HS6ST3: variants seen among roughly 807,000 people sequenced by gnomAD.
The protein encoded by HS6ST3 is heparan sulfate 6-O-sulfotransferase 3.
HS6ST3 carries 12 observed loss-of-function variants against 36.7 expected under a neutral mutation model. The observed-to-expected ratio is 0.33, with a 90% CI of 0.21 to 0.53. The LOEUF is 0.53. Among genes scored for constraint, HS6ST3 ranks in the 20% least tolerant of loss-of-function variants. The probability of loss-of-function intolerance (pLI) is 0.95; values close to 1 mark genes in which losing one functional copy is unlikely to be tolerated. For missense variants in HS6ST3, 584 were observed against 640.9 expected (o/e 0.91, Z 0.96); for synonymous variants, 240 against 257.5 (o/e 0.93, Z 0.65).
At chr13:96,100,567 G>C (rs2053813382) in intron 1 of HS6ST3, among the ~76,000 whole-genome samples, 1 of 152,202 alleles carries the variant, frequency 6.6e-6, no homozygotes, top group Non-Finnish European at 1.5e-5. Flanking sequence ...TCAGTAGTAG[G>C]AGAGAGCCGA....
At chr13:96,733,923 C>G (rs1194131919) in intron 1 of HS6ST3, among the ~76,000 whole-genome samples, 1 of 152,196 alleles carries the variant, frequency 6.6e-6, no homozygotes, top group African/African-American at 2.4e-5. Flanking sequence ...GCCACCACAG[C>G]CTTGCACCTA....
At chr13:96,459,367 A>G (rs987348250) in intron 1 of HS6ST3, among the ~76,000 whole-genome samples, 2 of 152,138 alleles carry the variant, frequency 1.3e-5, no homozygotes, top group Non-Finnish European at 2.9e-5. Context: ...AAAAAGGGCT[A>G]TCAGAACCAT....
rs763840227 is a variant in HS6ST3, at chr13:96,837,896, C to T, written c.*4698C>T. ...CCTTTTTAATGTCTTCTTCCCCAGG[C>T]TCCTGGTACTTTGTCAGCAACATAC... On this transcript the variant is annotated 3_prime_UTR_variant, in exon 2 of 2. Transcript: ENST00000376705. 3 of 152,020 alleles carry T rather than the reference C, an allele frequency of 2.0e-5. No homozygotes were observed. The highest frequency in any genetic ancestry group is 4.4e-5 in the Non-Finnish European group (3 of 67,986). 9.4% of individuals were successfully genotyped at this position (152,020 alleles called of 1,614,324 possible). A position where few individuals can be genotyped will look rare whatever the true frequency, so the allele number is the denominator to read the frequency against.
intron 1 of HS6ST3, among the ~76,000 whole-genome samples, chr13:96,506,631 A>G (rs893029053): frequency 7.9e-5 from 12 of 152,146 alleles, no homozygotes; most frequent in Admixed American, 2.0e-4. Flanking sequence ...AGAGAGATCC[A>G]TGTTATTTCT....
At chr13:96,451,985 T>G (rs567056348) in intron 1 of HS6ST3, among the ~76,000 whole-genome samples, 1 of 152,224 alleles carries the variant, frequency 6.6e-6, no homozygotes, top group African/African-American at 2.4e-5. Context: ...CGTTTTTACC[T>G]CTGTTGAATT....
intron 1 of HS6ST3, among the ~76,000 whole-genome samples, chr13:96,596,747 G>A (rs1361864378): frequency 3.9e-5 from 6 of 152,154 alleles, no homozygotes; most frequent in Non-Finnish European, 5.9e-5. Context: ...ATGTAAATTC[G>A]TTCAGTTATT....
At chr13:96,488,401 A>T (rs748816333) in intron 1 of HS6ST3, among the ~76,000 whole-genome samples, 6 of 152,120 alleles carry the variant, frequency 3.9e-5, no homozygotes, top group Admixed American at 1.3e-4. Context: ...TACATACTAT[A>T]GTATGTTATT....
chr13:96,251,544 A>G (rs966550498), intron 1 of HS6ST3, among the ~76,000 whole-genome samples: 2 of 151,812 alleles, frequency 1.3e-5, no homozygotes, highest in Non-Finnish European at 2.9e-5. Context: ...AGTTTTGTTT[A>G]TTTTTTAAAG....
At chr13:96,447,686 G>T (rs759299088) in intron 1 of HS6ST3, among the ~76,000 whole-genome samples, 2 of 152,114 alleles carry the variant, frequency 1.3e-5, no homozygotes, top group Admixed American at 6.5e-5. Flanking sequence ...GGGAGGGCCA[G>T]TTTTTTCTAG....
chr13:96,274,456 C>T (rs1221928226), intron 1 of HS6ST3, among the ~76,000 whole-genome samples: 1 of 152,044 alleles, frequency 6.6e-6, no homozygotes, highest in African/African-American at 2.4e-5. Flanking sequence ...AAGACAAGAA[C>T]CATAGGTAGT....
intron 1 of HS6ST3, among the ~76,000 whole-genome samples, chr13:96,244,054 G>A (rs1373619795): frequency 6.6e-6 from 1 of 151,814 alleles, no homozygotes; most frequent in Non-Finnish European, 1.5e-5. Flanking sequence ...ATGAATGTAG[G>A]AAGATAATAA....
intron 1 of HS6ST3, among the ~76,000 whole-genome samples, chr13:96,098,217 C>T (rs1477553869): frequency 1.3e-5 from 2 of 152,118 alleles, no homozygotes; most frequent in East Asian, 3.9e-4. Flanking sequence ...TTAATGTAAT[C>T]ATTCATTTGT....
rs1420209243 is a variant in HS6ST3, at chr13:96,090,908, C to T, written c.46C>T (p.Leu16Phe). ...NKWLLTPVLT[L>F]LFVVIMYQYV... The stretch of plus-strand genomic sequence containing the variant: ...GTGGCTGCTGACGCCGGTGCTCACT[C>T]TCCTCTTCGTGGTCATCATGTACCA... Residue 16 changes from leucine (L) to phenylalanine (F), a missense_variant, in exon 1 of 2, where the codon CTC becomes TTC. Leu to Phe is a conservative substitution (Grantham distance 22, BLOSUM62 0). This residue lies in a region of HS6ST3 where 217 missense variants were observed against 205.4 expected (regional missense o/e 1.06). Coordinates refer to ENST00000376705, the MANE Select transcript of HS6ST3 (RefSeq NM_153456.4). 7 of 1,514,708 alleles carry T rather than the reference C, an allele frequency of 4.6e-6. No individual in the cohort carries two copies. The highest frequency in any genetic ancestry group is 6.2e-6 in the Non-Finnish European group (7 of 1,126,874). 93.8% of individuals were successfully genotyped at this position (1,514,708 alleles called of 1,614,324 possible).
At chr13:96,229,514 A>G (rs1405434836) in intron 1 of HS6ST3, among the ~76,000 whole-genome samples, 1 of 152,098 alleles carries the variant, frequency 6.6e-6, no homozygotes, top group Non-Finnish European at 1.5e-5. Flanking sequence ...TGTGGTGGAG[A>G]GAAAGACAGG....
At chr13:96,785,561 C>A (rs68179846) in intron 1 of HS6ST3, among the ~76,000 whole-genome samples, 19,322 of 152,102 alleles carry the variant, frequency 0.13, 1,826 homozygotes, top group African/African-American at 0.27. Flanking sequence ...CAAAAGATAG[C>A]AGAAACCAAA....
intron 1 of HS6ST3, among the ~76,000 whole-genome samples, chr13:96,355,396 CACACACAA>C (rs2055205076): frequency 6.7e-5 from 9 of 134,572 alleles, no homozygotes; most frequent in African/African-American, 2.4e-4. Flanking sequence ...CACACACACA[CACACACAA>C]ACACACAAAC....
chr13:96,582,429 T>A (rs988025757), intron 1 of HS6ST3, among the ~76,000 whole-genome samples: 1 of 152,222 alleles, frequency 6.6e-6, no homozygotes, highest in African/African-American at 2.4e-5. Flanking sequence ...TTAGTTCACA[T>A]ATGAAAATAA....
chr13:96,483,416 G>T (rs2055899238), intron 1 of HS6ST3, among the ~76,000 whole-genome samples: 1 of 152,162 alleles, frequency 6.6e-6, no homozygotes, highest in South Asian at 2.1e-4. Flanking sequence ...GCAGTGGTTT[G>T]GGATGGGGCA....
At chr13:96,733,061 A>G (rs1876200492) in intron 1 of HS6ST3, among the ~76,000 whole-genome samples, 1 of 152,172 alleles carries the variant, frequency 6.6e-6, no homozygotes, top group African/African-American at 2.4e-5. Flanking sequence ...TTCCTATATA[A>G]GATGTGTTAC....
Sources: gnomAD v4.1 joint callset for allele counts (sites outside exome capture counted in the v4.1 genomes callset) on GRCh38, gnomAD v4.1.1 for gene constraint, gnomAD v4.1.1 regional missense constraint, MANE v1.5 for transcripts, NCBI Gene and HGNC (gene_info 2026-07-23, HGNC 2026-07-21) for gene names.